The following LRRC2 variants were observed in gnomAD, a reference collection of about 807,000 sequenced individuals.
LRRC2 encodes the protein leucine-rich repeat-containing protein 2.
Under a neutral mutation model 40.2 loss-of-function variants are expected in LRRC2, and 27 were observed. The observed-to-expected ratio is 0.67, with a 90% confidence interval of 0.49 to 0.93. LRRC2 has a LOEUF of 0.93. Ranked by LOEUF, LRRC2 falls within the 40% of genes least tolerant of loss-of-function variation. The probability of loss-of-function intolerance (pLI) is 0.00; values close to 1 mark genes in which losing one functional copy is unlikely to be tolerated. For missense variants in LRRC2, 402 were observed against 439.6 expected, an observed-to-expected ratio of 0.91 and a Z score of 0.76; for synonymous variants, 147 against 158.9, an observed-to-expected ratio of 0.92 and a Z score of 0.56.
At chr3:46,527,797 G>A (rs538150174) in intron 6 of LRRC2, among the ~76,000 whole-genome samples, 2 of 151,624 alleles carry the variant, frequency 1.3e-5, no homozygotes, top group East Asian at 3.9e-4. Flanking sequence ...GTACAATCTC[G>A]GCTCACTGCA....
intron 6 of LRRC2, among the ~76,000 whole-genome samples, chr3:46,529,532 T>A (rs532739923): frequency 6.6e-6 from 1 of 152,252 alleles, no homozygotes; most frequent in South Asian, 2.1e-4. Flanking sequence ...TAAATGAAAC[T>A]AATAAAATTT....
In LRRC2 at chr3:46,552,558, T is replaced by C. The variant is rs182509166; in HGVS notation, c.-19-948A>G. ...ACCCATCACCTCAATTCTTCCCCTC[T>C]GGGATTGCCTTTTCCATCCTCCTCC... is the stretch of plus-strand genomic sequence containing the variant. On this transcript the variant is annotated intron_variant, in intron 1 of 8. Transcript: ENST00000395905. Among the ~76,000 whole-genome samples the C allele has an allele frequency of 5.3e-4, 80 of 152,250 alleles. 1 individual carries two copies. In the East Asian group the frequency reaches 0.014, roughly 27 times the overall value.
intron 7 of LRRC2, among the ~76,000 whole-genome samples, chr3:46,525,295 G>A (rs1393714058): frequency 6.6e-6 from 1 of 151,200 alleles, no homozygotes; most frequent in African/African-American, 2.4e-5. Flanking sequence ...GTGTTGCTCA[G>A]GTTGGAATGC....
intron 1 of LRRC2, among the ~76,000 whole-genome samples, chr3:46,565,851 C>A (rs1438768277): frequency 1.3e-5 from 2 of 152,226 alleles, no homozygotes; most frequent in African/African-American, 2.4e-5. Context: ...TGGGCTCAGC[C>A]TTGGGCGCCG....
At chr3:46,543,760 C>A (rs747769964) in intron 3 of LRRC2, among the ~76,000 whole-genome samples, 17 of 152,080 alleles carry the variant, frequency 1.1e-4, no homozygotes, top group Non-Finnish European at 1.6e-4. Context: ...AGTGCCACAC[C>A]CAGGATCGTG....
rs377132765 is a variant in LRRC2, at chr3:46,553,766, GCACAAGC to G, written c.-19-2163_-19-2157del. 3.5e-4 allele frequency among the ~76,000 whole-genome samples: 53 copies of G among 152,346 alleles called. No individual in the cohort carries two copies. The East Asian group carries it at 8.5e-3, about 24-fold the overall frequency. On this transcript the variant is annotated intron_variant, in intron 1 of 8. Transcript: ENST00000395905. ...GTCTCCCATAGTGCTGGGATCACAG[GCACAAGC>G]CATCATGCCTGGCCAAAATATTTAA...
chr3:46,563,451 G>A (rs892056066), intron 1 of LRRC2, among the ~76,000 whole-genome samples: 11 of 148,004 alleles, frequency 7.4e-5, no homozygotes, highest in Non-Finnish European at 6.0e-5. Context: ...TCCACCCCAC[G>A]CCTCTTCCCC....
chr3:46,551,139 G>A (rs940888761), intron 2 of LRRC2: 7 of 172,978 alleles, frequency 4.0e-5, no homozygotes, highest in Non-Finnish European at 7.3e-5. Flanking sequence ...TGTCCAGAGC[G>A]CCAGACAGCC....
intron 4 of LRRC2, among the ~76,000 whole-genome samples, chr3:46,533,885 C>T (rs1704214925): frequency 7.2e-6 from 1 of 139,672 alleles, no homozygotes; most frequent in South Asian, 2.3e-4. Flanking sequence ...TTCCTTTCTT[C>T]CTTCCTTCCT....
chr3:46,521,629 T>C lies in LRRC2; in HGVS notation c.959A>G (p.Asp320Gly). ...KFVSLMDNPI[D>G]NAQCEDGNEI... ...ATTGCCATCTTCACATTGGGCATTA[T>C]CAATAGGATTGTCCATAAGGCTTAC... Residue 320 changes from aspartate to glycine, a missense_variant, in exon 8 of 9, where the codon GAT (aspartate) becomes GGT (glycine). Coordinates refer to ENST00000395905, the MANE Select transcript of LRRC2 (RefSeq NM_024512.5). 1 of 1,612,900 alleles carries C rather than the reference T, an allele frequency of 6.2e-7. No individual in the cohort carries two copies. The highest frequency in any genetic ancestry group is 8.5e-7 in the Non-Finnish European group (1 of 1,179,786).
At chr3:46,556,313 G>C (rs1417878333) in intron 1 of LRRC2, among the ~76,000 whole-genome samples, 1 of 151,862 alleles carries the variant, frequency 6.6e-6, no homozygotes, top group Non-Finnish European at 1.5e-5. Context: ...TTTTTGCAGC[G>C]ATAAGGTCTC....
At chr3:46,537,230 C>T (rs759368622) in intron 4 of LRRC2, among the ~76,000 whole-genome samples, 5 of 152,234 alleles carry the variant, frequency 3.3e-5, no homozygotes, top group South Asian at 2.1e-4. Context: ...TGGGCTCAAG[C>T]GATCCTCCCA....
At position 46,551,363 on chromosome 3, in the gene LRRC2, G is replaced by C. The variant is rs965722527; in HGVS notation, c.125+104C>G. 3.5e-6 allele frequency: 5 copies of C among 1,415,974 alleles called. No individual in the cohort carries two copies. The African/African-American group carries it at 5.7e-5, about 16-fold the overall frequency. The allele number at this position is 1,415,974 out of a possible 1,614,324, so 87.7% of individuals were successfully genotyped here. On this transcript the variant is annotated intron_variant, in intron 2 of 8. Coordinates refer to ENST00000395905, the MANE Select transcript of LRRC2 (RefSeq NM_024512.5). ...TAATGAGGAAAATTTTACCAACAGT[G>C]AGAAATCCCAGAAGAAAAGCATCCT...
At chr3:46,552,822 T>C (rs954451290) in intron 1 of LRRC2, among the ~76,000 whole-genome samples, 1 of 152,046 alleles carries the variant, frequency 6.6e-6, no homozygotes, top group Non-Finnish European at 1.5e-5. Context: ...AGATTGAACC[T>C]TCACAAACCA....
intron 5 of LRRC2, among the ~76,000 whole-genome samples, chr3:46,532,192 T>C (rs1048420472): frequency 6.6e-6 from 1 of 152,218 alleles, no homozygotes; most frequent in Non-Finnish European, 1.5e-5. Context: ...AACAGGCATC[T>C]TATAATACAA....
chr3:46,522,594 T>G (rs1453228651), intron 7 of LRRC2, among the ~76,000 whole-genome samples: 2 of 151,912 alleles, frequency 1.3e-5, no homozygotes, highest in African/African-American at 4.8e-5. Context: ...ATGCCTGTAA[T>G]CCCAGCTACT....
At position 46,540,266 on chromosome 3, in the gene LRRC2, T is replaced by G. The variant is rs559514234; in HGVS notation, c.334-1065A>C. ...TGGGCCGGGCACAGTGGCTCACGCC[T>G]GTAATCCCAGCAATTTGGGAGGCCA... On this transcript the variant is annotated intron_variant, in intron 3 of 8. Coordinates refer to ENST00000395905, the MANE Select transcript of LRRC2 (RefSeq NM_024512.5). Among the ~76,000 whole-genome samples, 4 of 152,326 alleles carry G rather than the reference T, an allele frequency of 2.6e-5. No individual in the cohort carries two copies. In the South Asian group the frequency reaches 8.3e-4, roughly 32 times the overall value.
chr3:46,527,695 AC>A, intron 6 of LRRC2, 114 bp from the exon 7 acceptor site: 1 of 871,160 alleles, frequency 1.1e-6, no homozygotes, highest in Non-Finnish European at 1.8e-6. Context: ...TATACATGTG[AC>A]CTTTATGAGA....
chr3:46,539,987 G>T (rs1448260904), intron 3 of LRRC2, among the ~76,000 whole-genome samples: 2 of 152,224 alleles, frequency 1.3e-5, no homozygotes, highest in East Asian at 3.8e-4. Flanking sequence ...GACCTCAGAA[G>T]CTGACCACAA....
Sources: allele counts gnomAD v4.1 joint callset (sites outside exome capture counted in the v4.1 genomes callset), GRCh38; gene constraint gnomAD v4.1.1; transcripts MANE v1.5; gene names NCBI Gene and HGNC (gene_info 2026-07-23, HGNC 2026-07-21).